Variants in GLI2 observed in about 807,000 individuals in gnomAD.
GLI2 encodes GLI family zinc finger 2.
In GLI2, 22 loss-of-function variants were observed where a neutral mutation model predicts 78.9. The ratio of observed to expected loss-of-function variants is 0.28; its 90% CI spans 0.20 to 0.40. The LOEUF is 0.40. Ranked by LOEUF, GLI2 falls within the 10% of genes least tolerant of loss-of-function variation. The probability of loss-of-function intolerance (pLI) is 1.00; values close to 1 mark genes in which losing one functional copy is unlikely to be tolerated. For synonymous variants in GLI2, 974 were observed against 963.7 expected (o/e 1.01, Z -0.20); for missense variants, 2,097 against 2,213.2 (o/e 0.95, Z 1.05).
In GLI2 at chr2:120,946,538, C is replaced by T. The variant is rs115592414; in HGVS notation, c.255-4705C>T. On this transcript the variant is annotated intron_variant, in intron 3 of 13. Transcript: ENST00000361492. Reference sequence around the variant, plus strand: ...TCTCTTTGAGTCTCTGCCTAGCTGTCGGAATTCAAGGACTGGATGGCCGTG... The same window carrying T: ...TCTCTTTGAGTCTCTGCCTAGCTGTTGGAATTCAAGGACTGGATGGCCGTG... Among the ~76,000 whole-genome samples the T allele has an allele frequency of 8.7e-3, 1,332 of 152,248 alleles. 16 individuals are homozygous for T. Among genetic ancestry groups the T allele is most frequent in the African/African-American group, 0.028 (1,177 of 41,520 alleles).
intron 2 of GLI2, among the ~76,000 whole-genome samples, chr2:120,868,303 G>A (rs1447682790): frequency 6.6e-6 from 1 of 152,250 alleles, no homozygotes; most frequent in African/African-American, 2.4e-5. Context: ...TGAATTTGGG[G>A]AAAGTTAAGT....
chr2:120,853,254 T>A (rs555069975), intron 2 of GLI2, among the ~76,000 whole-genome samples: 6 of 152,190 alleles, frequency 3.9e-5, no homozygotes, highest in African/African-American at 1.4e-4. Context: ...ACGAGGAGGT[T>A]GGCACAAAGG....
intron 2 of GLI2, among the ~76,000 whole-genome samples, chr2:120,900,003 C>A (rs1052211359): frequency 2.6e-5 from 4 of 152,192 alleles, no homozygotes; most frequent in African/African-American, 9.7e-5. Flanking sequence ...GGATTTGCGT[C>A]TCTAGCAGGC....
At chr2:120,961,004 C>G (rs1453466500) in intron 5 of GLI2, among the ~76,000 whole-genome samples, 1 of 152,098 alleles carries the variant, frequency 6.6e-6, no homozygotes, top group Non-Finnish European at 1.5e-5. Flanking sequence ...CCCTGGAGAG[C>G]GGAGAATTCA....
chr2:120,945,955 T>TCACACACACA (rs1240890746), intron 3 of GLI2, among the ~76,000 whole-genome samples: 10 of 11,562 alleles, frequency 8.6e-4, no homozygotes, highest in Admixed American at 4.0e-3. Context: ...GGCATAACCT[T>TCACACACACA]CTCACACACA....
At chr2:120,860,858 TGAGGCCCTGC>T (rs2104640144) in intron 2 of GLI2, among the ~76,000 whole-genome samples, 1 of 152,298 alleles carries the variant, frequency 6.6e-6, no homozygotes, top group East Asian at 1.9e-4. Flanking sequence ...CTTGGTTTCC[TGAGGCCCTGC>T]GTGGATTACC....
chr2:120,966,976 G>T (rs1230114313), intron 5 of GLI2, among the ~76,000 whole-genome samples: 1 of 152,242 alleles, frequency 6.6e-6, no homozygotes, highest in Non-Finnish European at 1.5e-5. Context: ...GGCCCATGGA[G>T]CCAGACCCTG....
At chr2:120,855,330 C>G (rs980621119) in intron 2 of GLI2, among the ~76,000 whole-genome samples, 10 of 152,298 alleles carry the variant, frequency 6.6e-5, no homozygotes, top group African/African-American at 2.4e-4. Context: ...TCTTCAAAGC[C>G]AGTGAGCGAG....
chr2:120,804,227 A>T (rs12475334), intron 2 of GLI2, among the ~76,000 whole-genome samples: 3 of 152,002 alleles, frequency 2.0e-5, no homozygotes, highest in Non-Finnish European at 4.4e-5. Context: ...ACACCTAGGA[A>T]TCTGTCCAAT....
At chr2:120,943,868 T>G (rs1457940123) in intron 3 of GLI2, among the ~76,000 whole-genome samples, 1 of 152,200 alleles carries the variant, frequency 6.6e-6, no homozygotes, top group African/African-American at 2.4e-5. Context: ...GCACCGAGGC[T>G]GGGGTGTGGG....
At chr2:120,937,665 A>T (rs1311996671) in intron 3 of GLI2, among the ~76,000 whole-genome samples, 3 of 152,222 alleles carry the variant, frequency 2.0e-5, no homozygotes, top group Non-Finnish European at 2.9e-5. Context: ...ACTTCCAGGC[A>T]GACACCAGTG....
chr2:120,790,756 G>C (rs1417217015), intron 1 of GLI2, among the ~76,000 whole-genome samples: 1 of 152,144 alleles, frequency 6.6e-6, no homozygotes, highest in South Asian at 2.1e-4. Flanking sequence ...GCCATGGCAG[G>C]CTTCGGTTTC....
rs150170739 is a variant in GLI2, at chr2:120,978,483, G to T, written c.1367G>T (p.Arg456Leu). The T allele has an allele frequency of 6.8e-6, 11 of 1,614,046 alleles. No individual in the cohort carries two copies. Among genetic ancestry groups the T allele is most frequent in the Admixed American group, 1.7e-5 (1 of 60,016 alleles). ...IHGEKKEFVC[R>L]WQACTREQKP... ...GGGGAGAAGAAGGAGTTTGTGTGCC[G>T]CTGGCAGGCCTGCACGCGGGAGCAG... Residue 456 changes from arginine (R) to leucine (L), a missense_variant, in exon 10 of 14, where the codon CGC becomes CTC. By Grantham distance (102) the Arg-to-Leu change is moderately radical. Transcript: ENST00000361492.
chr2:120,956,091 G>A (rs890680236), intron 5 of GLI2, among the ~76,000 whole-genome samples: 8 of 152,148 alleles, frequency 5.3e-5, no homozygotes, highest in Non-Finnish European at 7.4e-5. Context: ...ATCTCCTTCC[G>A]TGCTGATGTG....
At chr2:120,879,889 C>G (rs1017937513) in intron 2 of GLI2, among the ~76,000 whole-genome samples, 1 of 152,208 alleles carries the variant, frequency 6.6e-6, no homozygotes, top group Non-Finnish European at 1.5e-5. Context: ...TCTCCAGCCT[C>G]TAGCTGAGCC....
At chr2:120,847,609 G>A (rs1687182575) in intron 2 of GLI2, among the ~76,000 whole-genome samples, 1 of 151,768 alleles carries the variant, frequency 6.6e-6, no homozygotes, top group South Asian at 2.1e-4. Flanking sequence ...ACTTGGATTG[G>A]GGGGTTGGTG....
At chr2:120,765,391 C>G (rs891301995) in intron 1 of GLI2, among the ~76,000 whole-genome samples, 2 of 152,232 alleles carry the variant, frequency 1.3e-5, no homozygotes, top group Non-Finnish European at 2.9e-5. Flanking sequence ...AGGCCAAGCC[C>G]GGAGGTATGA....
chr2:120,741,152 C>A (rs116662942), intron 1 of GLI2, among the ~76,000 whole-genome samples: 3 of 152,168 alleles, frequency 2.0e-5, no homozygotes, highest in Non-Finnish European at 4.4e-5. Context: ...TTCCCTGGGA[C>A]ACAGTTAAGT....
chr2:120,906,177 C>T (rs1038546690), intron 2 of GLI2, among the ~76,000 whole-genome samples: 6 of 152,194 alleles, frequency 3.9e-5, no homozygotes, highest in African/African-American at 1.4e-4. Context: ...GTCAGGGCCC[C>T]TGGGGTGACC....
Sources: allele counts gnomAD v4.1 joint callset (sites outside exome capture counted in the v4.1 genomes callset), GRCh38; gene constraint gnomAD v4.1.1; transcripts MANE v1.5; gene names NCBI Gene and HGNC (gene_info 2026-07-23, HGNC 2026-07-21).